NBEA: variants seen among roughly 807,000 people sequenced by gnomAD.
The protein encoded by NBEA is neurobeachin.
In NBEA, 44 loss-of-function variants were observed where a neutral mutation model predicts 343.4. The observed-to-expected ratio is 0.13, with a 90% CI of 0.10 to 0.16. The LOEUF is 0.16. Ranked by LOEUF, NBEA falls within the 10% of genes least tolerant of loss-of-function variation. NBEA has a pLI of 1.00. For missense variants in NBEA, 2,555 were observed against 3,631.3 expected (o/e 0.70, Z 7.62); for synonymous variants, 1,175 against 1,238.7 (o/e 0.95, Z 1.08).
chr13:35,389,046 A>G (rs1458838903), intron 38 of NBEA, among the ~76,000 whole-genome samples: 4 of 151,028 alleles, frequency 2.6e-5, no homozygotes, highest in East Asian at 1.9e-4. Context: ...TTGGTAAACA[A>G]TTCCTCCCTG....
At chr13:34,994,905 T>C (rs2060886795) in intron 1 of NBEA, among the ~76,000 whole-genome samples, 1 of 152,182 alleles carries the variant, frequency 6.6e-6, no homozygotes, top group African/African-American at 2.4e-5. Flanking sequence ...ATAATGTTCG[T>C]ATTTGAATAG....
At chr13:35,086,643 A>C (rs1441095989) in intron 10 of NBEA, among the ~76,000 whole-genome samples, 1 of 152,006 alleles carries the variant, frequency 6.6e-6, no homozygotes, top group Non-Finnish European at 1.5e-5. Context: ...TCACTTTGAT[A>C]TACAGATTTC....
At chr13:35,529,718 G>A (rs935445071) in intron 41 of NBEA, among the ~76,000 whole-genome samples, 4 of 152,022 alleles carry the variant, frequency 2.6e-5, no homozygotes, top group East Asian at 1.9e-4. Context: ...TTAGTCCCTC[G>A]TGTCAAGTTG....
At chr13:35,429,800 C>CGTGTGTGTGTGT (rs60362511) in intron 38 of NBEA, among the ~76,000 whole-genome samples, 4,475 of 140,164 alleles carry the variant, frequency 0.032, 101 homozygotes, top group African/African-American at 0.037. Context: ...GAGTCCCCAA[C>CGTGTGTGTGTGT]GTGTGTGTGT....
chr13:35,307,529 A>G (rs1401941858), intron 35 of NBEA, among the ~76,000 whole-genome samples: 4 of 152,160 alleles, frequency 2.6e-5, no homozygotes, highest in South Asian at 4.1e-4. Flanking sequence ...TAGACAAGGC[A>G]TACTTTGGGA....
rs2077942296 is a variant in NBEA at position 35,525,720 on chromosome 13, T to C, written c.6586-24757T>C. Among the ~76,000 whole-genome samples, 5 of 152,310 alleles carry C rather than the reference T, an allele frequency of 3.3e-5. No individual in the cohort carries two copies. In the South Asian group the frequency reaches 1.0e-3, roughly 32 times the overall value. Reference sequence around the variant, plus strand: ...AAAATACCTTAGATCAAGTTATTTATAGACAACAGAATTTTATTGCTTATA... The same window carrying C: ...AAAATACCTTAGATCAAGTTATTTACAGACAACAGAATTTTATTGCTTATA... On this transcript the variant is annotated intron_variant, in intron 41 of 58. Transcript: ENST00000379939.
chr13:35,526,475 G>A (rs904592050), intron 41 of NBEA, among the ~76,000 whole-genome samples: 6 of 152,122 alleles, frequency 3.9e-5, no homozygotes, highest in East Asian at 3.9e-4. Flanking sequence ...GTGAAAACCC[G>A]TCTCTACTAA....
At chr13:35,646,728 A>C (rs1428873781) in intron 51 of NBEA, among the ~76,000 whole-genome samples, 1 of 152,212 alleles carries the variant, frequency 6.6e-6, no homozygotes, top group Non-Finnish European at 1.5e-5. Context: ...GGCAAGATAC[A>C]GTAGGGGAAG....
chr13:35,536,917 C>A (rs553425165), intron 41 of NBEA, among the ~76,000 whole-genome samples: 190 of 152,308 alleles, frequency 1.2e-3, no homozygotes, highest in Non-Finnish European at 2.1e-3. Flanking sequence ...GGAAACTTTT[C>A]TAAATCCGAT....
rs1274032997 is a variant in NBEA at position 35,655,661 on chromosome 13, C to T, written c.8274C>T (p.Cys2758=). ...ARSESYIGGD[C]YIVSGSRDAT... The stretch of plus-strand genomic sequence containing the variant: ...CCGAGTCATACATTGGTGGGGACTG[C>T]TACATCGTGTCCGGATCTCGAGATG... Residue 2758 remains cysteine (C), a synonymous_variant, in exon 55 of 59, where the codon TGC becomes TGT. Coordinates refer to ENST00000379939, the MANE Select transcript of NBEA (RefSeq NM_001385012.1). 4 of 1,613,864 alleles carry T rather than the reference C, an allele frequency of 2.5e-6. No individual in the cohort carries two copies. The highest frequency in any genetic ancestry group is 3.4e-6 in the Non-Finnish European group (4 of 1,179,842).
intron 41 of NBEA, among the ~76,000 whole-genome samples, chr13:35,505,865 G>T (rs776802083): frequency 7.9e-5 from 12 of 152,046 alleles, no homozygotes; most frequent in Non-Finnish European, 1.6e-4. Flanking sequence ...ACTTTAGTCT[G>T]CATGTTCAAC....
chr13:35,438,096 C>T (rs1049143889), intron 39 of NBEA, among the ~76,000 whole-genome samples: 10 of 151,752 alleles, frequency 6.6e-5, no homozygotes, highest in Admixed American at 2.6e-4. Flanking sequence ...TAGAAGAGAG[C>T]AGACTGCTTC....
At chr13:35,575,164 A>G (rs1352497845) in intron 45 of NBEA, among the ~76,000 whole-genome samples, 2 of 152,218 alleles carry the variant, frequency 1.3e-5, no homozygotes, top group Admixed American at 6.5e-5. Flanking sequence ...AGAAAAATGT[A>G]ATCTTAACAC....
rs192855249 is a variant in NBEA at position 35,396,061 on chromosome 13, A to C, written c.6180-36208A>C. Among the ~76,000 whole-genome samples the C allele has an allele frequency of 2.5e-3, 384 of 151,982 alleles. 2 individuals are homozygous for C. The highest frequency in any genetic ancestry group is 8.9e-3 in the African/African-American group (370 of 41,464). ...TTTGTGAACACACAACATATAGTTG[A>C]GTATTGCTTTCTTTTTTGAGACAGG... On this transcript the variant is annotated intron_variant, in intron 38 of 58. Coordinates refer to ENST00000379939, the MANE Select transcript of NBEA (RefSeq NM_001385012.1).
intron 34 of NBEA, among the ~76,000 whole-genome samples, chr13:35,276,931 T>C (rs1566555516): frequency 6.6e-6 from 1 of 152,182 alleles, no homozygotes; most frequent in Non-Finnish European, 1.5e-5. Flanking sequence ...TTTTGTAATA[T>C]TACATTACAT....
chr13:35,040,106 T>A (rs115590906), intron 1 of NBEA, among the ~76,000 whole-genome samples: 2 of 152,148 alleles, frequency 1.3e-5, no homozygotes, highest in Non-Finnish European at 2.9e-5. Context: ...CTAAATCTTA[T>A]CGTTCTTTAG....
At chr13:35,144,392 T>C (rs377297288) in intron 18 of NBEA, among the ~76,000 whole-genome samples, 27 of 152,178 alleles carry the variant, frequency 1.8e-4, no homozygotes, top group African/African-American at 6.5e-4. Context: ...TGATTTAGTA[T>C]GTCAGTGAGT....
At chr13:35,630,837 A>G (rs771890073) in intron 49 of NBEA, among the ~76,000 whole-genome samples, 1 of 152,154 alleles carries the variant, frequency 6.6e-6, no homozygotes, top group African/African-American at 2.4e-5. Flanking sequence ...ATTGCTTAGG[A>G]AGAGCCTCTA....
At chr13:35,554,792 A>G (rs1261154699) in intron 43 of NBEA, among the ~76,000 whole-genome samples, 195 bp from the exon 44 acceptor site, 2 of 152,194 alleles carry the variant, frequency 1.3e-5, no homozygotes, top group African/African-American at 4.8e-5. Flanking sequence ...TGAGTAATTA[A>G]GTGTATCTTC....
Sources: allele counts gnomAD v4.1 joint callset (sites outside exome capture counted in the v4.1 genomes callset), GRCh38; gene constraint gnomAD v4.1.1; transcripts MANE v1.5; gene names NCBI Gene and HGNC (gene_info 2026-07-23, HGNC 2026-07-21).